The following DCAF7 variants were observed in gnomAD, a reference collection of about 807,000 sequenced individuals.
DCAF7 encodes the protein DDB1- and CUL4-associated factor 7.
Under a neutral mutation model 41.2 loss-of-function variants are expected in DCAF7, and 4 were observed. The ratio of observed to expected loss-of-function variants is 0.10; its 90% CI spans 0.05 to 0.22. The LOEUF is 0.22. Ranked by LOEUF, DCAF7 falls within the 10% of genes least tolerant of loss-of-function variation. The pLI is 1.00. For synonymous variants in DCAF7, 143 were observed against 164.2 expected (o/e 0.87, Z 0.99); for missense variants, 131 against 443.2 (o/e 0.30, Z 6.32).
rs894437972 is a variant in DCAF7, at chr17:63,593,554, T to C, written c.*4382T>C. The C allele has an allele frequency of 1.3e-5, 2 of 152,652 alleles. No individual in the cohort carries two copies. 9.5% of individuals were successfully genotyped at this position (152,652 alleles called of 1,614,324 possible). ...CAGTCTATGTAACAGCTGGAAAGTT[T>C]ATAGGCACCCACCTTTGGGACAACC... On this transcript the variant is annotated 3_prime_UTR_variant, in exon 7 of 7. Coordinates refer to ENST00000614556, the MANE Select transcript of DCAF7 (RefSeq NM_005828.5).
intron 6 of DCAF7, among the ~76,000 whole-genome samples, chr17:63,588,243 G>A (rs1023549444): frequency 3.5e-5 from 5 of 142,426 alleles, no homozygotes. Flanking sequence ...GCTGGAGTGC[G>A]GTGGTATGAT....
In DCAF7 at chr17:63,591,037, A is replaced by G. The variant is rs1163993937; in HGVS notation, c.*1865A>G. ...TGTGGTTGCCTCTCCTGCATTTGCCACTGGATTTGCACTGCATCGTTTGGA... is the reference window on the plus strand; with the variant it reads ...TGTGGTTGCCTCTCCTGCATTTGCCGCTGGATTTGCACTGCATCGTTTGGA... On this transcript the variant is annotated 3_prime_UTR_variant, in exon 7 of 7. Transcript: ENST00000614556. 1 of 152,198 alleles carries G rather than the reference A, an allele frequency of 6.6e-6. No homozygotes were observed. Among genetic ancestry groups the G allele is most frequent in the Non-Finnish European group, 1.5e-5 (1 of 68,062 alleles). 9.4% of individuals were successfully genotyped at this position (152,198 alleles called of 1,614,324 possible).
In DCAF7 at chr17:63,550,585, T is replaced by A; in HGVS notation, c.-93T>A. On this transcript the variant is annotated 5_prime_UTR_variant, in exon 1 of 7. Transcript: ENST00000614556. The surrounding 1 kb of genome is among the most constrained non-coding windows in gnomAD (Gnocchi z 4.8). The stretch of plus-strand genomic sequence containing the variant: ...TAGGCCGTTCCTGCCCGCCCCCTCC[T>A]CTCCTCCCTTCGGACCCATAGATCT... 6.5e-7 allele frequency: 1 copy of A among 1,527,106 alleles called. No individual in the cohort carries two copies. Among genetic ancestry groups the A allele is most frequent in the Non-Finnish European group, 8.9e-7 (1 of 1,129,516 alleles). 94.6% of individuals were successfully genotyped at this position (1,527,106 alleles called of 1,614,324 possible).
At chr17:63,587,905 G>A (rs2033693895) in intron 6 of DCAF7, among the ~76,000 whole-genome samples, 1 of 150,012 alleles carries the variant, frequency 6.7e-6, no homozygotes, top group African/African-American at 2.5e-5. Context: ...AGAATCGCTT[G>A]AACCTGGGAG....
At chr17:63,588,892 C>T (rs1441613409) in intron 6 of DCAF7, 108 bp from the exon 7 acceptor site, 26 of 1,191,718 alleles carry the variant, frequency 2.2e-5, no homozygotes, top group Non-Finnish European at 2.7e-5. Flanking sequence ...AAAATAGAAC[C>T]GCCATCACGG....
At chr17:63,552,600 C>A (rs994286338) in intron 1 of DCAF7, 1 of 152,156 alleles carries the variant, frequency 6.6e-6, no homozygotes, top group African/African-American at 2.4e-5. Context: ...TAAAGATACA[C>A]GTGGAAAATA....
chr17:63,578,807 A>G (rs1404495627), intron 2 of DCAF7, among the ~76,000 whole-genome samples, 179 bp downstream of exon 2: 1 of 152,192 alleles, frequency 6.6e-6, no homozygotes, highest in Non-Finnish European at 1.5e-5. Flanking sequence ...CTAGTATATC[A>G]AGTCAAGATT....
At chr17:63,569,066 A>G (rs2033476677) in intron 1 of DCAF7, among the ~76,000 whole-genome samples, 1 of 152,338 alleles carries the variant, frequency 6.6e-6, no homozygotes, top group South Asian at 2.1e-4. Flanking sequence ...GGGAGCTTTA[A>G]TAGATACCAA....
intron 1 of DCAF7, among the ~76,000 whole-genome samples, chr17:63,569,973 A>G (rs1333981701): frequency 6.6e-6 from 1 of 152,028 alleles, no homozygotes; most frequent in African/African-American, 2.4e-5. Context: ...TCAACCTCCC[A>G]AAGTGCTGGG....
chr17:63,588,891 C>A, intron 6 of DCAF7, 109 bp from the exon 7 acceptor site: 1 of 1,187,554 alleles, frequency 8.4e-7, no homozygotes. Flanking sequence ...TAAAATAGAA[C>A]CGCCATCACG....
intron 5 of DCAF7, among the ~76,000 whole-genome samples, chr17:63,584,536 C>T (rs1399783570): frequency 6.6e-6 from 1 of 151,208 alleles, no homozygotes; most frequent in Admixed American, 6.6e-5. Context: ...CCAAGGTGGG[C>T]GGATCACAGG....
At chr17:63,588,188 G>GGTTTTTTTTTTTTTT (rs1568106611) in intron 6 of DCAF7, among the ~76,000 whole-genome samples, 1 of 122,006 alleles carries the variant, frequency 8.2e-6, no homozygotes, top group African/African-American at 4.7e-5. Context: ...TATTTTCTTG[G>GGTTTTTTTTTTTTTT]ATTTTTTTTT....
rs1301828635 is a variant in DCAF7, at chr17:63,594,040, G to A, written c.*4868G>A. On this transcript the variant is annotated 3_prime_UTR_variant, in exon 7 of 7. Transcript: ENST00000614556. ...TTTCACAGGACTGATTGTACACAGG[G>A]CTTGTAATAAAATTTTAACACTGTG... is the stretch of plus-strand genomic sequence containing the variant. 6.6e-6 allele frequency: 1 copy of A among 152,614 alleles called. No homozygotes were observed. Among genetic ancestry groups the A allele is most frequent in the Non-Finnish European group, 1.5e-5 (1 of 68,024 alleles). The allele number at this position is 152,614 out of a possible 1,614,324, so 9.5% of individuals were successfully genotyped here. A position where few individuals can be genotyped will look rare whatever the true frequency, so the allele number is the denominator to read the frequency against.
At chr17:63,562,508 ATTTTC>A (rs1345041973) in intron 1 of DCAF7, among the ~76,000 whole-genome samples, 1 of 151,792 alleles carries the variant, frequency 6.6e-6, no homozygotes, top group African/African-American at 2.4e-5. Context: ...AGCAGAAAAT[ATTTTC>A]TTTTTTTATT....
intron 1 of DCAF7, among the ~76,000 whole-genome samples, chr17:63,571,806 C>G (rs2033509817): frequency 6.6e-6 from 1 of 151,890 alleles, no homozygotes. Flanking sequence ...ATCACATCAC[C>G]AGGGGTGATG....
At chr17:63,571,695 G>T (rs577781713) in intron 1 of DCAF7, among the ~76,000 whole-genome samples, 1 of 152,114 alleles carries the variant, frequency 6.6e-6, no homozygotes, top group Admixed American at 6.5e-5. Context: ...TACCTCTTCT[G>T]AAAGCATTGA....
chr17:63,562,026 A>C (rs1465023451), intron 1 of DCAF7, among the ~76,000 whole-genome samples: 1 of 151,896 alleles, frequency 6.6e-6, no homozygotes, highest in Non-Finnish European at 1.5e-5. Context: ...AAAAAAAAAA[A>C]AACTTAGGGG....
chr17:63,561,136 G>A (rs796929474), intron 1 of DCAF7, among the ~76,000 whole-genome samples: 4 of 152,172 alleles, frequency 2.6e-5, no homozygotes, highest in African/African-American at 9.6e-5. Flanking sequence ...GTAGTGGTGT[G>A]TGCCTGTAAT....
intron 1 of DCAF7, among the ~76,000 whole-genome samples, chr17:63,573,542 T>A (rs1325929437): frequency 6.6e-6 from 1 of 151,780 alleles, no homozygotes; most frequent in Non-Finnish European, 1.5e-5. Context: ...CTGACCGACA[T>A]GGTGAAACCC....
Sources: gnomAD v4.1 joint callset for allele counts (sites outside exome capture counted in the v4.1 genomes callset) on GRCh38, gnomAD v4.1.1 for gene constraint, Gnocchi (gnomAD v3.1) non-coding constraint, MANE v1.5 for transcripts, NCBI Gene and HGNC (gene_info 2026-07-23, HGNC 2026-07-21) for gene names.